EIPR1: variants seen among roughly 807,000 people sequenced by gnomAD.
EIPR1 encodes EARP and GARP complex-interacting protein 1.
Under a neutral mutation model 48.1 loss-of-function variants are expected in EIPR1, and 25 were observed. The observed-to-expected ratio is 0.52, with a 90% confidence interval of 0.38 to 0.73. EIPR1 has a LOEUF of 0.73. EIPR1 is among the 30% of genes least tolerant of loss of function. The pLI, the probability that EIPR1 is intolerant of heterozygous loss-of-function variation, is 0.00. For synonymous variants in EIPR1, 204 were observed against 201.9 expected (o/e 1.01, Z -0.09); for missense variants, 415 against 506.2 (o/e 0.82, Z 1.73).
intron 1 of EIPR1, among the ~76,000 whole-genome samples, chr2:3,376,184 C>T (rs1659873420): frequency 6.6e-6 from 1 of 152,110 alleles, no homozygotes; most frequent in African/African-American, 2.4e-5. Context: ...ATGCACCAGG[C>T]ACTGTTCTAC....
chr2:3,351,019 GA>G (rs1241579609), intron 2 of EIPR1, among the ~76,000 whole-genome samples: 1 of 84,216 alleles, frequency 1.2e-5, no homozygotes, highest in Non-Finnish European at 2.7e-5. Flanking sequence ...TTTTTTTTTA[GA>G]CAGAGTCTCG....
chr2:3,244,060 G>C (rs1666722464), intron 4 of EIPR1, among the ~76,000 whole-genome samples: 1 of 152,212 alleles, frequency 6.6e-6, no homozygotes, highest in Admixed American at 6.5e-5. Flanking sequence ...AGGCCCACAG[G>C]GGCTCCCTCA....
intron 4 of EIPR1, among the ~76,000 whole-genome samples, chr2:3,234,567 G>A (rs1437285331): frequency 2.0e-5 from 3 of 152,248 alleles, no homozygotes; most frequent in African/African-American, 7.2e-5. Context: ...AGAGCCCAGG[G>A]CCGTGGCGGT....
chr2:3,278,168 C>A (rs114270828), intron 3 of EIPR1, among the ~76,000 whole-genome samples: 323 of 152,322 alleles, frequency 2.1e-3, no homozygotes, highest in African/African-American at 7.5e-3. Flanking sequence ...GGCACAGGCC[C>A]CAGAGGCCCA....
rs148611386 is a variant in EIPR1 at position 3,194,139 on chromosome 2, G to C, written c.681C>G (p.His227Gln). ...AGTCAAGGTCCCGCACCAGCTGTCC[G>C]TGGGCATTCTCTATGCAGTAGATCT... is the stretch of plus-strand genomic sequence containing the variant. ...MSQIYCIENAHGQLVRDLDFN... is the reference protein window; with the variant it reads ...MSQIYCIENAQGQLVRDLDFN... The change falls in exon 7 of 9, where the codon CAC (histidine) becomes CAG (glutamine). Residue 227 changes from histidine to glutamine, a missense_variant. By Grantham distance (24) the His-to-Gln change is conservative. Transcript: ENST00000382125. 69 of 1,613,722 alleles carry C rather than the reference G, an allele frequency of 4.3e-5. No homozygotes were observed. Among genetic ancestry groups the C allele is most frequent in the Non-Finnish European group, 5.3e-5 (63 of 1,179,988 alleles).
intron 2 of EIPR1, 75 bp from the exon 3 acceptor site, chr2:3,338,224 AAAG>A: frequency 6.4e-7 from 1 of 1,551,658 alleles, no homozygotes; most frequent in Non-Finnish European, 8.7e-7. Flanking sequence ...TCATGATTAC[AAAG>A]AATAGTCACA....
At chr2:3,306,357 T>C (rs1445985078) in intron 3 of EIPR1, among the ~76,000 whole-genome samples, 1 of 152,238 alleles carries the variant, frequency 6.6e-6, no homozygotes, top group Non-Finnish European at 1.5e-5. Flanking sequence ...ACTTATTCCC[T>C]GGTCACTCGT....
At chr2:3,198,941 C>G (rs538191847) in intron 5 of EIPR1, among the ~76,000 whole-genome samples, 1 of 151,770 alleles carries the variant, frequency 6.6e-6, no homozygotes, top group South Asian at 2.1e-4. Flanking sequence ...GACTAGAATT[C>G]GCCAGGCTGG....
At chr2:3,359,864 A>C (rs1049155224) in intron 1 of EIPR1, among the ~76,000 whole-genome samples, 2 of 152,218 alleles carry the variant, frequency 1.3e-5, no homozygotes, top group East Asian at 3.8e-4. Context: ...AGTGCACAGA[A>C]GACAGGATGC....
At chr2:3,202,935 G>A (rs1286311265) in intron 5 of EIPR1, among the ~76,000 whole-genome samples, 1 of 152,186 alleles carries the variant, frequency 6.6e-6, no homozygotes, top group African/African-American at 2.4e-5. Context: ...CTCCTCAGCC[G>A]TGCCGAGTGC....
At chr2:3,264,606 A>G (rs1018086456) in intron 3 of EIPR1, among the ~76,000 whole-genome samples, 1 of 152,254 alleles carries the variant, frequency 6.6e-6, no homozygotes, top group African/African-American at 2.4e-5. Context: ...CAACTATGTT[A>G]GCCACGTGCG....
chr2:3,296,682 C>G (rs1402238330), intron 3 of EIPR1, among the ~76,000 whole-genome samples: 1 of 151,002 alleles, frequency 6.6e-6, no homozygotes, highest in African/African-American at 2.4e-5. Context: ...CTCCATCCAG[C>G]CCGTCCTCTC....
chr2:3,252,912 C>A (rs759278733), intron 4 of EIPR1, among the ~76,000 whole-genome samples: 20 of 152,226 alleles, frequency 1.3e-4, no homozygotes, highest in Non-Finnish European at 1.9e-4. Flanking sequence ...ACTCTAAGAA[C>A]CCCACCCATC....
chr2:3,270,356 G>T (rs755203845), intron 3 of EIPR1, among the ~76,000 whole-genome samples: 3 of 152,182 alleles, frequency 2.0e-5, no homozygotes, highest in Non-Finnish European at 4.4e-5. Context: ...TGTGTGCTCT[G>T]CGGGGTACCT....
chr2:3,259,291 C>CA (rs1228578920), intron 3 of EIPR1, among the ~76,000 whole-genome samples: 1 of 151,990 alleles, frequency 6.6e-6, no homozygotes, highest in African/African-American at 2.4e-5. Flanking sequence ...AGACACTCCC[C>CA]CCCACATCCC....
At chr2:3,277,094 G>A (rs1558267809) in intron 3 of EIPR1, among the ~76,000 whole-genome samples, 1 of 152,212 alleles carries the variant, frequency 6.6e-6, no homozygotes, top group Non-Finnish European at 1.5e-5. Flanking sequence ...GTAAAAACAA[G>A]TTATTCAAAA....
At chr2:3,346,396 T>C (rs1347123004) in intron 2 of EIPR1, among the ~76,000 whole-genome samples, 1 of 152,226 alleles carries the variant, frequency 6.6e-6, no homozygotes, top group Non-Finnish European at 1.5e-5. Context: ...AGATGCCCAA[T>C]AGAACATCAC....
At chr2:3,365,168 T>G (rs1297889007) in intron 1 of EIPR1, among the ~76,000 whole-genome samples, 2 of 149,652 alleles carry the variant, frequency 1.3e-5, no homozygotes, top group African/African-American at 2.4e-5. Context: ...CTGGGTGTGG[T>G]GGCTCAAGAC....
At chr2:3,268,454 C>CT (rs998700742) in intron 3 of EIPR1, among the ~76,000 whole-genome samples, 10 of 152,228 alleles carry the variant, frequency 6.6e-5, no homozygotes, top group African/African-American at 2.4e-4. Context: ...GGGCCGAGGT[C>CT]TGCGTCCCTC....
Sources: gnomAD v4.1 joint callset for allele counts (sites outside exome capture counted in the v4.1 genomes callset) on GRCh38, gnomAD v4.1.1 for gene constraint, MANE v1.5 for transcripts, NCBI Gene and HGNC (gene_info 2026-07-23, HGNC 2026-07-21) for gene names.